Variants in GOT2 observed in about 807,000 individuals in gnomAD.
The protein encoded by GOT2 is aspartate aminotransferase, mitochondrial.
Under a neutral mutation model 50.0 loss-of-function variants are expected in GOT2, and 17 were observed. The observed-to-expected ratio is 0.34, with a 90% CI of 0.23 to 0.51. The LOEUF is 0.51. Ranked by LOEUF, GOT2 falls within the 20% of genes least tolerant of loss-of-function variation. The pLI is 0.97. For synonymous variants in GOT2, 172 were observed against 204.9 expected (o/e 0.84, Z 1.37); for missense variants, 430 against 559.6 (o/e 0.77, Z 2.34).
At chr16:58,728,579 T>G (rs973371105) in intron 1 of GOT2, among the ~76,000 whole-genome samples, 1 of 152,352 alleles carries the variant, frequency 6.6e-6, no homozygotes, top group Admixed American at 6.5e-5. Context: ...AGGTCCTTTC[T>G]GTTTTTCTTT....
At chr16:58,710,730 AAATTAG>A (rs1211300396) in intron 8 of GOT2, among the ~76,000 whole-genome samples, 8 of 46,146 alleles carry the variant, frequency 1.7e-4, no homozygotes, top group Non-Finnish European at 4.8e-4. Context: ...AAATACAAAA[AAATTAG>A]CCGGGCGGAT....
At chr16:58,724,314 G>A (rs559288145) in intron 1 of GOT2, among the ~76,000 whole-genome samples, 18 of 147,550 alleles carry the variant, frequency 1.2e-4, no homozygotes, top group African/African-American at 5.0e-5. Context: ...ACAGAGTCTC[G>A]CTCTGTCACC....
intron 8 of GOT2, 130 bp from the exon 9 acceptor site, chr16:58,709,697 AC>A: frequency 3.2e-6 from 2 of 630,098 alleles, no homozygotes; most frequent in Non-Finnish European, 5.4e-6. Context: ...AATGAGTGAC[AC>A]GCTGTCACTG....
intron 3 of GOT2, among the ~76,000 whole-genome samples, chr16:58,720,198 A>T (rs2044730365): frequency 6.6e-6 from 1 of 152,178 alleles, no homozygotes; most frequent in Admixed American, 6.5e-5. Context: ...GCGAAATTCC[A>T]TCTCTAAATA....
chr16:58,717,962 C>T (rs1044983471), intron 6 of GOT2, among the ~76,000 whole-genome samples: 7 of 152,250 alleles, frequency 4.6e-5, no homozygotes, highest in South Asian at 2.1e-4. Context: ...GCTGGGATTA[C>T]AGGCGTGAGC....
In GOT2 at chr16:58,725,264, G is replaced by A. The variant is rs531187299; in HGVS notation, c.90-1362C>T. On this transcript the variant is annotated intron_variant, in intron 1 of 9. Transcript: ENST00000245206. ...CAAGTAGCTGGGATTACAAGTGTCC[G>A]CCACTACACCCAGCTAATTTTTGTG... Among the ~76,000 whole-genome samples the A allele has an allele frequency of 3.9e-5, 6 of 151,974 alleles. 1 individual carries two copies. Among genetic ancestry groups the A allele is most frequent in the Middle Eastern group, 6.8e-3 (2 of 294 alleles).
chr16:58,713,570 G>C (rs1040319200), intron 8 of GOT2, among the ~76,000 whole-genome samples: 1 of 152,138 alleles, frequency 6.6e-6, no homozygotes, highest in African/African-American at 2.4e-5. Flanking sequence ...ATCTTCATGG[G>C]ACAGAGAGAC....
intron 1 of GOT2, among the ~76,000 whole-genome samples, chr16:58,729,961 A>G (rs1291350219): frequency 2.0e-5 from 3 of 152,218 alleles, no homozygotes; most frequent in Non-Finnish European, 4.4e-5. Flanking sequence ...TTTTACAATT[A>G]CAATGCTAGT....
intron 8 of GOT2, 104 bp from the exon 9 acceptor site, chr16:58,709,671 C>T: frequency 3.4e-6 from 3 of 881,054 alleles, no homozygotes; most frequent in Non-Finnish European, 3.5e-6. Flanking sequence ...TAGTGTGCCT[C>T]AATTCTCAGG....
chr16:58,731,487 G>A (rs1254579953), intron 1 of GOT2, among the ~76,000 whole-genome samples: 1 of 152,152 alleles, frequency 6.6e-6, no homozygotes, highest in African/African-American at 2.4e-5. Context: ...GTTGCACACT[G>A]CATTTTTAAA....
At chr16:58,727,231 C>T (rs2044794258) in intron 1 of GOT2, among the ~76,000 whole-genome samples, 3 of 152,316 alleles carry the variant, frequency 2.0e-5, no homozygotes, top group South Asian at 2.1e-4. Flanking sequence ...TAGACTCAAG[C>T]CATCCTCCCA....
chr16:58,732,474 TACA>T (rs2044842500), intron 1 of GOT2, among the ~76,000 whole-genome samples: 1 of 152,182 alleles, frequency 6.6e-6, no homozygotes, highest in Non-Finnish European at 1.5e-5. Flanking sequence ...TGATCTAAGA[TACA>T]ACATTAAAAT....
At position 58,716,096 on chromosome 16, in the gene GOT2, G is replaced by A; in HGVS notation, c.937C>T (p.Arg313Cys). The change falls in exon 8 of 10, where the codon CGT becomes TGT. Residue 313 changes from arginine (R) to cysteine (C), a missense_variant. Arg to Cys is a radical substitution (Grantham distance 180). Transcript: ENST00000245206. Reference protein sequence around the residue: ...RVESQLKILIRPMYSNPPLNG... With the variant: ...RVESQLKILICPMYSNPPLNG... Reference sequence around the variant, plus strand: ...AGGGGAGGGTTGGAATACATGGGACGGATCAAGATCTTCAACTGTGACTCT... The same window carrying A: ...AGGGGAGGGTTGGAATACATGGGACAGATCAAGATCTTCAACTGTGACTCT... 2 of 1,613,524 alleles carry A rather than the reference G, an allele frequency of 1.2e-6. No homozygotes were observed. Among genetic ancestry groups the A allele is most frequent in the Non-Finnish European group, 1.7e-6 (2 of 1,179,518 alleles).
At chr16:58,723,332 T>C (rs569228041) in intron 2 of GOT2, among the ~76,000 whole-genome samples, 4 of 152,200 alleles carry the variant, frequency 2.6e-5, no homozygotes, top group Non-Finnish European at 5.9e-5. Flanking sequence ...AGAGCATGCC[T>C]GTGTACAAAG....
At position 58,722,192 on chromosome 16, in the gene GOT2, T is replaced by G. The variant is rs140045671; in HGVS notation, c.333A>C (p.Glu111Asp). 3.5e-5 allele frequency: 56 copies of G among 1,612,446 alleles called. No individual in the cohort carries two copies. In the African/African-American group the frequency reaches 6.9e-4, roughly 20 times the overall value. The change falls in exon 3 of 10, where the codon GAA (glutamate) becomes GAC (aspartate). Residue 111 changes from glutamate (E) to aspartate (D), a missense_variant. By Grantham distance (45) the Glu-to-Asp change is conservative. Transcript: ENST00000245206. ...GLAEFCKASA[E>D]LALGENSEVL... ...CTTCGCTGTTCTCACCCAGGGCTAG[T>G]TCTGCAGATGCCTTGCAAAATTCAG...
chr16:58,713,346 G>A (rs143758966), intron 8 of GOT2, among the ~76,000 whole-genome samples: 30 of 152,012 alleles, frequency 2.0e-4, no homozygotes, highest in African/African-American at 6.5e-4. Context: ...ATACCATAAA[G>A]AACTACCCTG....
chr16:58,730,445 C>T (rs1157004724), intron 1 of GOT2, among the ~76,000 whole-genome samples: 1 of 151,644 alleles, frequency 6.6e-6, no homozygotes, highest in African/African-American at 2.4e-5. Flanking sequence ...AATGCAGTGG[C>T]GTGACCACGG....
chr16:58,709,235 C>A, intron 9 of GOT2, 182 bp downstream of exon 9: 2 of 555,384 alleles, frequency 3.6e-6, no homozygotes, highest in Non-Finnish European at 6.2e-6. Flanking sequence ...TGCACTCCAG[C>A]CTGGGTTTCA....
chr16:58,732,674 G>T (rs932435451), intron 1 of GOT2, among the ~76,000 whole-genome samples: 2 of 152,166 alleles, frequency 1.3e-5, no homozygotes, highest in African/African-American at 4.8e-5. Context: ...AGAAAAATGA[G>T]TCAGACTCTC....
Sources: allele counts gnomAD v4.1 joint callset (sites outside exome capture counted in the v4.1 genomes callset), GRCh38; gene constraint gnomAD v4.1.1; transcripts MANE v1.5; gene names NCBI Gene and HGNC (gene_info 2026-07-23, HGNC 2026-07-21).